Variants in SLC36A1 observed in about 807,000 individuals in gnomAD.
The protein encoded by SLC36A1 is solute carrier family 36 member 1, also known as proton-coupled amino acid transporter 1.
In SLC36A1, 30 loss-of-function variants were observed where a neutral mutation model predicts 47.5. The ratio of observed to expected loss-of-function variants is 0.63; its 90% CI spans 0.47 to 0.86. SLC36A1 has a LOEUF of 0.86. Ranked by LOEUF, SLC36A1 falls within the 40% of genes least tolerant of loss-of-function variation. The pLI, the probability that SLC36A1 is intolerant of heterozygous loss-of-function variation, is 0.00. For missense variants in SLC36A1, 517 were observed against 606.0 expected (o/e 0.85, Z 1.54); for synonymous variants, 255 against 249.7 (o/e 1.02, Z -0.20).
chr5:151,517,556 C>A, the SLC36A1 span: 1 of 1,597,878 alleles, frequency 6.3e-7, no homozygotes. Context: ...TTCCTCATGC[C>A]TCACCCCCTA....
At chr5:151,505,696 G>A in the SLC36A1 span, 1 of 1,613,972 alleles carries the variant, frequency 6.2e-7, no homozygotes, top group South Asian at 1.1e-5. Flanking sequence ...GCATAAGAGG[G>A]CCCAGCTCGG....
the SLC36A1 span, chr5:151,549,422 G>T: frequency 6.2e-7 from 1 of 1,614,178 alleles, no homozygotes. Flanking sequence ...GCTGAGTGAA[G>T]CGGGGTGGGT....
chr5:151,510,758 A>T, the SLC36A1 span: 1 of 152,278 alleles, frequency 6.6e-6, no homozygotes, highest in African/African-American at 2.4e-5. Context: ...ATTTCATTTG[A>T]GATCTGAAGG....
intron 1 of SLC36A1, among the ~76,000 whole-genome samples, chr5:151,456,609 T>G (rs1754561597): frequency 6.6e-6 from 1 of 152,200 alleles, no homozygotes; most frequent in Non-Finnish European, 1.5e-5. Flanking sequence ...GTTGGCGTCC[T>G]TGAATTCCTC....
At chr5:151,411,765 G>C in the SLC36A1 span, among the ~76,000 whole-genome samples, 35 of 144,308 alleles carry the variant, frequency 2.4e-4, 9 homozygotes, top group East Asian at 7.6e-3. Flanking sequence ...AGGGTCCTTA[G>C]TACAGTTTTT....
At chr5:151,415,224 C>T in the SLC36A1 span, among the ~76,000 whole-genome samples, 1 of 152,160 alleles carries the variant, frequency 6.6e-6, no homozygotes, top group Admixed American at 6.5e-5. Flanking sequence ...AGCATCTAGA[C>T]TGATCTTTTG....
the SLC36A1 span, among the ~76,000 whole-genome samples, chr5:151,528,623 A>G: frequency 2.6e-5 from 4 of 152,082 alleles, no homozygotes; most frequent in Non-Finnish European, 5.9e-5. Flanking sequence ...GTTTTGGGGA[A>G]AGGTAGATAT....
chr5:151,358,039 T>C, the SLC36A1 span, among the ~76,000 whole-genome samples: 2 of 152,156 alleles, frequency 1.3e-5, no homozygotes, highest in Non-Finnish European at 2.9e-5. Flanking sequence ...GAGAACTTGA[T>C]TGGTTAAGGC....
chr5:151,410,071 T>C, the SLC36A1 span, among the ~76,000 whole-genome samples: 2 of 152,224 alleles, frequency 1.3e-5, no homozygotes. Flanking sequence ...TGTCTCCTTT[T>C]CCACTTGGGA....
the SLC36A1 span, chr5:151,542,856 G>A: frequency 3.7e-5 from 59 of 1,614,070 alleles, no homozygotes; most frequent in Middle Eastern, 3.3e-4. Flanking sequence ...TGGTGGATTC[G>A]TGGTCCATGG....
the SLC36A1 span, chr5:151,381,984 A>G: frequency 9.2e-6 from 5 of 546,372 alleles, no homozygotes; most frequent in South Asian, 9.9e-5. Context: ...GGGGGGTTAC[A>G]GTACTACCAT....
chr5:151,417,731 T>C, the SLC36A1 span, among the ~76,000 whole-genome samples: 3 of 152,210 alleles, frequency 2.0e-5, no homozygotes, highest in Non-Finnish European at 4.4e-5. Flanking sequence ...ATTTGCAACA[T>C]GACAATGCAA....
chr5:151,353,332 C>T, the SLC36A1 span, among the ~76,000 whole-genome samples: 1 of 152,180 alleles, frequency 6.6e-6, no homozygotes, highest in African/African-American at 2.4e-5. Flanking sequence ...CAGAACCAGG[C>T]ATAGCATCTA....
chr5:151,442,324 T>G (rs1367892529), intron 1 of SLC36A1, among the ~76,000 whole-genome samples: 1 of 152,138 alleles, frequency 6.6e-6, no homozygotes, highest in Non-Finnish European at 1.5e-5. Flanking sequence ...CAGCTAAAAT[T>G]TACTCATTTC....
the SLC36A1 span, among the ~76,000 whole-genome samples, chr5:151,393,491 G>C: frequency 0.5 from 75,503 of 151,986 alleles, 20,747 homozygotes; most frequent in African/African-American, 0.75. Context: ...CAGTTTCTTC[G>C]TAGCATCAAT....
the SLC36A1 span, chr5:151,551,340 A>C: frequency 1.0e-6 from 1 of 986,642 alleles, no homozygotes; most frequent in Non-Finnish European, 1.5e-6. Flanking sequence ...TTAGACAAGA[A>C]CTTTGATTCT....
rs374123051 is a variant in SLC36A1, at chr5:151,489,551, G to A, written c.*1297G>A. The stretch of plus-strand genomic sequence containing the variant: ...GCCTCTGTGGCCTGGACTTTGAAAG[G>A]AACCCACTGAACACTAATTATGAGC... On this transcript the variant is annotated 3_prime_UTR_variant, in exon 11 of 11. Coordinates refer to ENST00000243389, the MANE Select transcript of SLC36A1 (RefSeq NM_078483.4). This position sits in a 1 kb window ranked among gnomAD's most constrained non-coding sequence, Gnocchi z 4.5. The A allele has an allele frequency of 6.5e-6, 1 of 152,748 alleles. No individual in the cohort carries two copies. 9.5% of individuals were successfully genotyped at this position (152,748 alleles called of 1,614,324 possible).
the SLC36A1 span, among the ~76,000 whole-genome samples, chr5:151,410,154 T>G: frequency 6.6e-6 from 1 of 152,150 alleles, no homozygotes; most frequent in Admixed American, 6.5e-5. Context: ...GTAACTTGGC[T>G]CCAGAGTTAC....
At chr5:151,405,359 T>C in the SLC36A1 span, among the ~76,000 whole-genome samples, 2 of 145,362 alleles carry the variant, frequency 1.4e-5, no homozygotes, top group Non-Finnish European at 3.0e-5. Flanking sequence ...TTTTTTTTTT[T>C]TTTTTTTTGA....
Sources: gnomAD v4.1 joint callset for allele counts (sites outside exome capture counted in the v4.1 genomes callset) on GRCh38, gnomAD v4.1.1 for gene constraint, Gnocchi (gnomAD v3.1) non-coding constraint, MANE v1.5 for transcripts, NCBI Gene and HGNC (gene_info 2026-07-23, HGNC 2026-07-21) for gene names.